MRPL3: variants seen among roughly 807,000 people sequenced by gnomAD.
MRPL3 encodes the protein large ribosomal subunit protein uL3m.
In MRPL3, 43 loss-of-function variants were observed where a neutral mutation model predicts 44.3. That is an observed-to-expected ratio of 0.97 (90% CI 0.76 to 1.25). The LOEUF (loss-of-function observed/expected upper bound fraction) is 1.25. MRPL3 is among the 50% of genes most tolerant of loss of function. The probability of loss-of-function intolerance (pLI) is 0.00; values close to 1 mark genes in which losing one functional copy is unlikely to be tolerated. For synonymous variants in MRPL3, 171 were observed against 152.3 expected (o/e 1.12, Z -0.91); for missense variants, 406 against 427.6 (o/e 0.95, Z 0.45).
chr3:131,474,459 T>C (rs1050043390), intron 6 of MRPL3, among the ~76,000 whole-genome samples: 1 of 152,076 alleles, frequency 6.6e-6, no homozygotes, highest in Admixed American at 6.6e-5. Context: ...AAGGAATAAG[T>C]TCTGGTGTTC....
intron 8 of MRPL3, 73 bp from the exon 9 acceptor site, chr3:131,468,241 G>GT: frequency 1.2e-6 from 1 of 823,482 alleles, no homozygotes; most frequent in Non-Finnish European, 1.9e-6. Flanking sequence ...AGCTGAGGAT[G>GT]TAAGTTGCTT....
chr3:131,497,225 T>C (rs1934388581), intron 4 of MRPL3, among the ~76,000 whole-genome samples: 1 of 152,260 alleles, frequency 6.6e-6, no homozygotes, highest in Non-Finnish European at 1.5e-5. Flanking sequence ...TGTCTGTCGC[T>C]CTACCTTTTA....
In MRPL3 at chr3:131,471,192, T is replaced by G. The variant is rs1412315401; in HGVS notation, c.717A>C (p.Arg239Ser). 6.2e-7 allele frequency: 1 copy of G among 1,612,698 alleles called. No individual in the cohort carries two copies. The highest frequency in any genetic ancestry group is 1.3e-5 in the African/African-American group (1 of 74,854). ...ATHGQTKTHR[R>S]PGAVATGDIG... Reference sequence around the variant, plus strand: ...TCACACCAGTTGCAACAGCTCCAGGTCTCCTGTGGGTTTTCGTTTGACCAT... The same window carrying G: ...TCACACCAGTTGCAACAGCTCCAGGGCTCCTGTGGGTTTTCGTTTGACCAT... Residue 239 changes from arginine (R) to serine (S), a missense_variant, in exon 7 of 10, where the codon AGA becomes AGC. Arg to Ser is a moderately radical substitution (Grantham distance 110). Coordinates refer to ENST00000264995, the MANE Select transcript of MRPL3 (RefSeq NM_007208.4).
At chr3:131,479,043 G>A in intron 6 of MRPL3, 1 of 458,334 alleles carries the variant, frequency 2.2e-6, no homozygotes, top group Non-Finnish European at 4.3e-6. Flanking sequence ...ACTCTAAGTA[G>A]AGGTTTTTCA....
intron 4 of MRPL3, among the ~76,000 whole-genome samples, chr3:131,497,216 G>C (rs79207982): frequency 0.036 from 5,510 of 152,330 alleles, 325 homozygotes; most frequent in African/African-American, 0.12. Context: ...AGGCTCTGGT[G>C]TCTGTCGCTC....
chr3:131,474,598 C>T (rs1356853639), intron 6 of MRPL3, among the ~76,000 whole-genome samples: 1 of 152,010 alleles, frequency 6.6e-6, no homozygotes, highest in African/African-American at 2.4e-5. Context: ...CGTAACTACC[C>T]TAATTTGATC....
intron 6 of MRPL3, chr3:131,479,266 C>T (rs1308770870): frequency 2.0e-6 from 1 of 501,286 alleles, no homozygotes; most frequent in Non-Finnish European, 3.9e-6. Flanking sequence ...TCTCTTTATG[C>T]TCTAAGAAGT....
intron 3 of MRPL3, among the ~76,000 whole-genome samples, chr3:131,499,597 A>C (rs1215549344): frequency 6.6e-6 from 1 of 152,240 alleles, no homozygotes; most frequent in South Asian, 2.1e-4. Flanking sequence ...CCTTATTAGC[A>C]CTCTAAGCAC....
intron 3 of MRPL3, among the ~76,000 whole-genome samples, chr3:131,499,438 A>G (rs779827602): frequency 6.6e-6 from 1 of 152,194 alleles, no homozygotes; most frequent in Non-Finnish European, 1.5e-5. Context: ...GTGTTTTCCA[A>G]AATGGTTTTG....
At chr3:131,499,077 T>C (rs1934436056) in intron 3 of MRPL3, among the ~76,000 whole-genome samples, 1 of 152,258 alleles carries the variant, frequency 6.6e-6, no homozygotes, top group Non-Finnish European at 1.5e-5. Flanking sequence ...CTATTTACTT[T>C]TCTTTATAAT....
intron 8 of MRPL3, among the ~76,000 whole-genome samples, chr3:131,469,204 A>T (rs2110695363): frequency 6.6e-6 from 1 of 150,766 alleles, no homozygotes; most frequent in South Asian, 2.1e-4. Context: ...ATTGCCTCCC[A>T]CTCTCCTCCT....
chr3:131,495,074 CG>C (rs1445786950), intron 4 of MRPL3, among the ~76,000 whole-genome samples: 3 of 152,052 alleles, frequency 2.0e-5, no homozygotes, highest in Non-Finnish European at 4.4e-5. Context: ...AAAAAGGCAA[CG>C]TAGTCTAATT....
chr3:131,480,852 T>C (rs1049794637), intron 6 of MRPL3, among the ~76,000 whole-genome samples: 8 of 152,228 alleles, frequency 5.3e-5, no homozygotes, highest in Non-Finnish European at 1.0e-4. Context: ...TTATGCCACT[T>C]GGAAAACTGA....
intron 4 of MRPL3, among the ~76,000 whole-genome samples, chr3:131,494,311 A>G (rs1934321731): frequency 6.6e-6 from 1 of 152,170 alleles, no homozygotes; most frequent in African/African-American, 2.4e-5. Context: ...CAACACCACT[A>G]TTATCAAGTC....
rs1465023202 is a variant in MRPL3 at position 131,500,508 on chromosome 3, A to G, written c.291T>C (p.Val97=). The G allele has an allele frequency of 6.2e-7, 1 of 1,613,722 alleles. No individual in the cohort carries two copies. The highest frequency in any genetic ancestry group is 8.5e-7 in the Non-Finnish European group (1 of 1,179,770). ...TGCCCAGCTTCAAGGCAATAAGACCAACTCTAAAGGAACCTGGCAATTAAA... is the reference window on the plus strand; with the variant it reads ...TGCCCAGCTTCAAGGCAATAAGACCGACTCTAAAGGAACCTGGCAATTAAA... ...IHPWEPGSFR[V]GLIALKLGMM... Residue 97 remains valine (V), a synonymous_variant, in exon 3 of 10, where the codon GTT becomes GTC. Transcript: ENST00000264995.
chr3:131,486,636 A>C (rs2110708210), intron 6 of MRPL3, among the ~76,000 whole-genome samples: 1 of 152,188 alleles, frequency 6.6e-6, no homozygotes, highest in African/African-American at 2.4e-5. Flanking sequence ...AACCCCATCA[A>C]AAAGTGGGCA....
At chr3:131,502,048 GAGGTGGCAGA>G in intron 1 of MRPL3, 1 of 732,758 alleles carries the variant, frequency 1.4e-6, no homozygotes, top group Non-Finnish European at 2.2e-6. Context: ...ACATTCAGTG[GAGGTGGCAGA>G]AGGTGGCATG....
chr3:131,489,994 A>T lies in MRPL3; in HGVS notation c.555T>A (p.Ala185=), dbSNP rs1269268602. The change falls in exon 5 of 10, where the codon GCT becomes GCA. Residue 185 remains alanine, a synonymous_variant. Transcript: ENST00000264995. ...TVKIFNITDN[A]AIKPGTPLYA... ...ACCTCAAATTACCTGGTTTAATTGC[A>T]GCATTATCTGTTATATTAAAGATTT... The T allele has an allele frequency of 6.2e-7, 1 of 1,605,994 alleles. No homozygotes were observed. Among genetic ancestry groups the T allele is most frequent in the Non-Finnish European group, 8.5e-7 (1 of 1,173,544 alleles).
At chr3:131,474,879 C>G (rs1425737448) in intron 6 of MRPL3, among the ~76,000 whole-genome samples, 1 of 151,422 alleles carries the variant, frequency 6.6e-6, no homozygotes, top group Non-Finnish European at 1.5e-5. Flanking sequence ...TCAAGCAATC[C>G]TCCTGTCTCA....
Sources: allele counts gnomAD v4.1 joint callset (sites outside exome capture counted in the v4.1 genomes callset), GRCh38; gene constraint gnomAD v4.1.1; transcripts MANE v1.5; gene names NCBI Gene and HGNC (gene_info 2026-07-23, HGNC 2026-07-21).